The following ESRRG variants were observed in gnomAD, a reference collection of about 807,000 sequenced individuals.
ESRRG encodes estrogen related receptor gamma.
ESRRG carries 13 observed loss-of-function variants against 44.0 expected under a neutral mutation model. The observed-to-expected ratio is 0.30, with a 90% CI of 0.19 to 0.47. The LOEUF is 0.47. Among genes scored for constraint, ESRRG ranks in the 20% least tolerant of loss-of-function variants. ESRRG has a pLI of 1.00. For missense variants in ESRRG, 395 were observed against 580.6 expected, an observed-to-expected ratio of 0.68 and a Z score of 3.29; for synonymous variants, 215 against 214.6, an observed-to-expected ratio of 1.00 and a Z score of -0.02.
At chr1:216,954,681 T>C (rs1001231075) in intron 1 of ESRRG, among the ~76,000 whole-genome samples, 1 of 152,152 alleles carries the variant, frequency 6.6e-6, no homozygotes, top group African/African-American at 2.4e-5. Flanking sequence ...AATGTATGCC[T>C]CAGAATATCA....
rs1212872239 is a variant in ESRRG at position 216,751,477 on chromosome 1, T to TG, written c.-13-73987dup. ...TCTCTGAGCAACCACTGACATTTGG[T>TG]GGGGGGTATTTTGCCTCAGCCCAGC... On this transcript the variant is annotated intron_variant, in intron 2 of 7. Coordinates refer to the ESRRG transcript ENST00000359162. Among the ~76,000 whole-genome samples, 12 of 151,986 alleles carry TG rather than the reference T, an allele frequency of 7.9e-5. No individual in the cohort carries two copies. In the East Asian group the frequency reaches 1.4e-3, roughly 17 times the overall value.
Position 216,564,392 on chromosome 1 carries a change from G to A in ESRRG, c.701-12C>T. The A allele has an allele frequency of 6.3e-7, 1 of 1,598,268 alleles. No individual in the cohort carries two copies. Among genetic ancestry groups the A allele is most frequent in the Non-Finnish European group, 8.5e-7 (1 of 1,173,132 alleles). On this transcript the variant is annotated splice_polypyrimidine_tract_variant and intron_variant, in intron 4 of 6. Transcript: ENST00000408911. ...GACAATCTTGTTATCTGCAGGATCA[G>A]ACCAGAGCACTACAAGATCACTAGT...
chr1:216,654,119 T>TC (rs1417980940), intron 2 of ESRRG, among the ~76,000 whole-genome samples: 1 of 133,754 alleles, frequency 7.5e-6, no homozygotes, highest in Non-Finnish European at 1.6e-5. Flanking sequence ...CAAGACTTCA[T>TC]CCCCACCCTC....
intron 2 of ESRRG, among the ~76,000 whole-genome samples, chr1:216,902,929 G>A (rs538239460): frequency 2.0e-5 from 3 of 152,228 alleles, no homozygotes; most frequent in South Asian, 2.1e-4. Flanking sequence ...CTGTTTGCAC[G>A]TTCCTACTTG....
intron 3 of ESRRG, among the ~76,000 whole-genome samples, chr1:216,634,527 A>G (rs1185417335): frequency 6.6e-6 from 1 of 152,200 alleles, no homozygotes; most frequent in African/African-American, 2.4e-5. Context: ...AAACTCAAAC[A>G]ATTTGAAGTC....
At chr1:216,844,539 G>T (rs911582108) in intron 2 of ESRRG, among the ~76,000 whole-genome samples, 1 of 152,082 alleles carries the variant, frequency 6.6e-6, no homozygotes, top group East Asian at 1.9e-4. Flanking sequence ...TCCTCATGCA[G>T]CTTCTTCCTG....
At chr1:217,058,937 C>A (rs1370342033) in intron 1 of ESRRG, among the ~76,000 whole-genome samples, 1 of 146,014 alleles carries the variant, frequency 6.8e-6, no homozygotes, top group South Asian at 2.2e-4. Flanking sequence ...ATAATATAAA[C>A]TAATAAAAAC....
intron 3 of ESRRG, among the ~76,000 whole-genome samples, chr1:216,576,253 G>C (rs952188018): frequency 4.6e-5 from 7 of 151,748 alleles, no homozygotes; most frequent in Non-Finnish European, 1.0e-4. Flanking sequence ...AAACTGCTTG[G>C]CTGCATGTGG....
chr1:217,036,757 C>T (rs528676147), intron 1 of ESRRG, among the ~76,000 whole-genome samples: 1 of 151,834 alleles, frequency 6.6e-6, no homozygotes, highest in African/African-American at 2.4e-5. Flanking sequence ...GTACAACAAA[C>T]CTCCATGACA....
intron 1 of ESRRG, among the ~76,000 whole-genome samples, chr1:216,968,080 T>C (rs2070835237): frequency 6.6e-6 from 1 of 152,180 alleles, no homozygotes; most frequent in African/African-American, 2.4e-5. Flanking sequence ...TATTTTTTAA[T>C]TGGGTTATTT....
intron 2 of ESRRG, among the ~76,000 whole-genome samples, chr1:216,817,666 C>T (rs531574940): frequency 6.6e-6 from 1 of 152,120 alleles, no homozygotes; most frequent in African/African-American, 2.4e-5. Context: ...TTTAATGATG[C>T]TGTATATATT....
intron 3 of ESRRG, among the ~76,000 whole-genome samples, chr1:216,583,210 G>T (rs542415575): frequency 6.6e-6 from 1 of 152,308 alleles, no homozygotes; most frequent in East Asian, 1.9e-4. Context: ...TGGATGGCCA[G>T]CAATATATCC....
Position 216,677,623 on chromosome 1 carries a change from A to G in ESRRG, c.57-132T>C, listed in dbSNP as rs370473518. Reference sequence around the variant, plus strand: ...AGGGAAAGGTAAAAGGAGGAAAAAAACAGAATTCATATGTTAAAGACATTG... The same window carrying G: ...AGGGAAAGGTAAAAGGAGGAAAAAAGCAGAATTCATATGTTAAAGACATTG... On this transcript the variant is annotated intron_variant, in intron 1 of 6. Coordinates refer to ENST00000408911, the MANE Select transcript of ESRRG (RefSeq NM_001438.4). The G allele has an allele frequency of 4.5e-5, 35 of 776,336 alleles. No homozygotes were observed. In the East Asian group the frequency reaches 6.5e-4, roughly 14 times the overall value. The allele number at this position is 776,336 out of a possible 1,614,324, so 48.1% of individuals were successfully genotyped here.
intron 1 of ESRRG, among the ~76,000 whole-genome samples, chr1:217,064,857 G>A (rs900322751): frequency 2.0e-5 from 3 of 152,148 alleles, no homozygotes; most frequent in Non-Finnish European, 4.4e-5. Context: ...CCCTGGTTAT[G>A]CTAGACCCTG....
chr1:216,791,826 C>A (rs918260208), intron 2 of ESRRG, among the ~76,000 whole-genome samples: 1 of 152,018 alleles, frequency 6.6e-6, no homozygotes, highest in Non-Finnish European at 1.5e-5. Context: ...ACAGAAAAAT[C>A]AAATAGATCT....
At chr1:216,760,248 T>C (rs897797944) in intron 2 of ESRRG, among the ~76,000 whole-genome samples, 2 of 127,466 alleles carry the variant, frequency 1.6e-5, no homozygotes, top group Non-Finnish European at 3.3e-5. Context: ...AAATTTTTTT[T>C]CTCATAACCA....
intron 3 of ESRRG, among the ~76,000 whole-genome samples, chr1:216,598,025 C>A (rs1008154833): frequency 2.6e-5 from 4 of 152,022 alleles, no homozygotes; most frequent in African/African-American, 9.7e-5. Context: ...ATAATAATAA[C>A]AATAATTTAC....
At chr1:216,606,837 C>T (rs1267290912) in intron 3 of ESRRG, among the ~76,000 whole-genome samples, 1 of 152,156 alleles carries the variant, frequency 6.6e-6, no homozygotes, top group Non-Finnish European at 1.5e-5. Flanking sequence ...TTTAACTCTT[C>T]ATTGTTCATA....
chr1:217,114,818 A>G (rs2092702903), intron 1 of ESRRG, among the ~76,000 whole-genome samples: 1 of 151,680 alleles, frequency 6.6e-6, no homozygotes, highest in Non-Finnish European at 1.5e-5. Context: ...CACCACACGC[A>G]GCTAATTTTT....
Sources: gnomAD v4.1 joint callset for allele counts (sites outside exome capture counted in the v4.1 genomes callset) on GRCh38, gnomAD v4.1.1 for gene constraint, MANE v1.5 for transcripts, NCBI Gene and HGNC (gene_info 2026-07-23, HGNC 2026-07-21) for gene names.